TNXB: variants seen among roughly 807,000 people sequenced by gnomAD.
The protein encoded by TNXB is tenascin-X.
Under a neutral mutation model 340.5 loss-of-function variants are expected in TNXB, and 183 were observed. The ratio of observed to expected loss-of-function variants is 0.54; its 90% confidence interval spans 0.48 to 0.61. The LOEUF (loss-of-function observed/expected upper bound fraction) is 0.61. Among genes scored for constraint, TNXB ranks in the 20% least tolerant of loss-of-function variants. The probability of loss-of-function intolerance (pLI) is 0.00; values close to 1 mark genes in which losing one functional copy is unlikely to be tolerated. For missense variants in TNXB, 4,613 were observed against 5,446.4 expected (o/e 0.85, Z 4.82); for synonymous variants, 2,121 against 2,314.5 (o/e 0.92, Z 2.40).
chr6:32,047,918 G>T lies in TNXB; in HGVS notation c.10140C>A (p.Gly3380=). 6.2e-7 allele frequency: 1 copy of T among 1,612,666 alleles called. No individual in the cohort carries two copies. The highest frequency in any genetic ancestry group is 8.5e-7 in the Non-Finnish European group (1 of 1,179,696). The change falls in exon 30 of 44, where the codon GGC becomes GGA. Residue 3380 remains glycine, a synonymous_variant. Coordinates refer to ENST00000644971, the MANE Select transcript of TNXB (RefSeq NM_001365276.2). The surrounding 1 kb of genome is among the most constrained non-coding windows in gnomAD (Gnocchi z 6.2). ...ACTGGACCACGAAGGAGTCGAATTC[G>T]CCCTCAGGGACCGTCCACGAGAGGC... The part of the protein sequence containing the change: ...SVGLSWTVPE[G]EFDSFVVQYK...
Position 32,087,885 on chromosome 6 carries a change from C to G in TNXB, c.2779+900G>C, listed in dbSNP as rs756616916. On this transcript the variant is annotated intron_variant, in intron 6 of 43. Transcript: ENST00000644971. The surrounding 1 kb of genome is among the most constrained non-coding windows in gnomAD (Gnocchi z 9.0). ...CCTCCTCCCTTTCCTCTGCTGGCCT[C>G]GAGGGCCAAGGGGGCCGTGGGGGCC... 3.4e-5 allele frequency: 11 copies of G among 323,600 alleles called. 1 individual carries two copies. The highest frequency in any genetic ancestry group is 1.7e-4 in the South Asian group (7 of 40,454). 20.0% of individuals were successfully genotyped at this position (323,600 alleles called of 1,614,324 possible). A position where few individuals can be genotyped will look rare whatever the true frequency, so the allele number is the denominator to read the frequency against.
chr6:32,106,810 C>CTAA lies in TNXB; in HGVS notation c.-9+2368_-9+2370dup, dbSNP rs1026131349. ...ACCCTCAAATCCTGTCACTTTGTGT[C>CTAA]TAAGGCCATGCTAATCACTCCCACA... On this transcript the variant is annotated intron_variant, in intron 1 of 43. Coordinates refer to ENST00000644971, the MANE Select transcript of TNXB (RefSeq NM_001365276.2). 5.9e-5 allele frequency among the ~76,000 whole-genome samples: 9 copies of CTAA among 152,318 alleles called. No homozygotes were observed. The South Asian group carries it at 8.3e-4, about 14-fold the overall frequency.
rs774049599 is a variant in TNXB at position 32,055,872 on chromosome 6, C to T, written c.8446G>A (p.Val2816Met). Residue 2816 changes from valine to methionine, a missense_variant, in exon 24 of 44, where the codon GTG becomes ATG. By Grantham distance (21) the Val-to-Met change is conservative (BLOSUM62 1). This residue lies in a region of TNXB where 4,327 missense variants were observed against 4,859.4 expected (regional missense o/e 0.89). Coordinates refer to ENST00000644971, the MANE Select transcript of TNXB (RefSeq NM_001365276.2). ...TCACCTGTCACACCCACGGTGGACA[C>T]CGGGCCCACACGCCGCCCCTCGTGG... is the stretch of plus-strand genomic sequence containing the variant. ...GLHEGRRVGP[V>M]STVGVTAPED... 1.9e-6 allele frequency: 3 copies of T among 1,612,506 alleles called. No individual in the cohort carries two copies. The highest frequency in any genetic ancestry group is 3.3e-5 in the Admixed American group (2 of 59,992).
In TNXB at chr6:32,096,097, C is replaced by A. The variant is rs563266055; in HGVS notation, c.1756G>T (p.Gly586Cys). Residue 586 changes from glycine (G) to cysteine (C), a missense_variant, in exon 3 of 44, where the codon GGT becomes TGT. Physicochemically the swap from Gly to Cys is radical, Grantham distance 159. Around this residue, in one of 7 missense-constraint regions of TNXB, gnomAD observed 4,327 missense variants for 4,859.4 expected, o/e 0.89. Transcript: ENST00000644971. ...CEDGYSGEDC[G>C]VRQCPNDCSQ... ...CAGTCATTCGGGCACTGCCTCACAC[C>A]GCAATCCTCGCCAGAGTAGCCGTCC... 1 of 1,609,492 alleles carries A rather than the reference C, an allele frequency of 6.2e-7. No individual in the cohort carries two copies. The highest frequency in any genetic ancestry group is 8.5e-7 in the Non-Finnish European group (1 of 1,178,536).
chr6:32,094,313 A>G (rs541715997), intron 4 of TNXB, among the ~76,000 whole-genome samples: 3 of 151,854 alleles, frequency 2.0e-5, no homozygotes, highest in Non-Finnish European at 4.4e-5. Flanking sequence ...AAAAGTGTAT[A>G]TAGTTGAATG....
Position 32,046,124 on chromosome 6 carries a change from C to T in TNXB, c.10606+51G>A. The stretch of plus-strand genomic sequence containing the variant: ...CATCTTTGTCTTCAGCCCAAATGCA[C>T]AAGGAAACCCACACAAGCTGGCTTG... On this transcript the variant is annotated intron_variant, in intron 31 of 43. Transcript: ENST00000644971. The surrounding 1 kb of genome is among the most constrained non-coding windows in gnomAD (Gnocchi z 6.9). 1.3e-6 allele frequency: 2 copies of T among 1,549,650 alleles called. No homozygotes were observed. The highest frequency in any genetic ancestry group is 1.7e-6 in the Non-Finnish European group (2 of 1,144,030).
At chr6:32,105,041 T>C (rs1582496489) in intron 1 of TNXB, among the ~76,000 whole-genome samples, 1 of 152,098 alleles carries the variant, frequency 6.6e-6, no homozygotes, top group Non-Finnish European at 1.5e-5. Context: ...CAAATTCTCT[T>C]AGAACACTGA....
rs1276461269 is a variant in TNXB, at chr6:32,087,369, C to T, written c.2780-1251G>A. ...GCAGGCTGACGGTGCGCGTGGTGCC[C>T]GGCACAGTCAGCTCACCGCCGGGGC... is the stretch of plus-strand genomic sequence containing the variant. On this transcript the variant is annotated intron_variant, in intron 6 of 43. Coordinates refer to ENST00000644971, the MANE Select transcript of TNXB (RefSeq NM_001365276.2). This position sits in a 1 kb window ranked among gnomAD's most constrained non-coding sequence, Gnocchi z 9.0. The T allele has an allele frequency of 2.1e-6, 1 of 475,322 alleles. No homozygotes were observed. The highest frequency in any genetic ancestry group is 6.4e-5 in the East Asian group (1 of 15,624). The allele number at this position is 475,322 out of a possible 1,614,324, so 29.4% of individuals were successfully genotyped here.
At position 32,046,278 on chromosome 6, in the gene TNXB, T is replaced by C; in HGVS notation, c.10503A>G (p.Thr3501=). Residue 3501 remains threonine (T), a synonymous_variant, in exon 31 of 44, where the codon ACA becomes ACG. Coordinates refer to ENST00000644971, the MANE Select transcript of TNXB (RefSeq NM_001365276.2). The surrounding 1 kb of genome is among the most constrained non-coding windows in gnomAD (Gnocchi z 6.9). ...CAGGCTCCAGGTCCTCTACGGTGAC[T>C]GTGCGCTGGTCTGCGGCCACAGGCA... is the stretch of plus-strand genomic sequence containing the variant. ...RAVPVAADQR[T]VTVEDLEPGK... is the part of the protein sequence containing the mutation. The C allele has an allele frequency of 6.2e-7, 1 of 1,606,472 alleles. No individual in the cohort carries two copies. The highest frequency in any genetic ancestry group is 8.5e-7 in the Non-Finnish European group (1 of 1,178,122).
At position 32,097,083 on chromosome 6, in the gene TNXB, C is replaced by A; in HGVS notation, c.770G>T (p.Gly257Val). ...CACGCAGCGCCCACCCTCACAGCGT[C>A]CCCTCTGGCTGCAACCTCGAGGGCA... ...RSCPRGCSQR[G>V]RCEGGRCVCD... Residue 257 changes from glycine (G) to valine (V), a missense_variant, in exon 3 of 44, where the codon GGA (glycine) becomes GTA (valine). Gly to Val is a moderately radical substitution (Grantham distance 109). This residue lies in a region of TNXB where 4,327 missense variants were observed against 4,859.4 expected (regional missense o/e 0.89). Coordinates refer to ENST00000644971, the MANE Select transcript of TNXB (RefSeq NM_001365276.2). The surrounding 1 kb of genome is among the most constrained non-coding windows in gnomAD (Gnocchi z 5.9). The A allele has an allele frequency of 6.2e-7, 1 of 1,613,636 alleles. No individual in the cohort carries two copies. Among genetic ancestry groups the A allele is most frequent in the South Asian group, 1.1e-5 (1 of 91,048 alleles).
chr6:32,050,390 A>T, intron 26 of TNXB, 69 bp from the exon 27 acceptor site: 1 of 1,573,754 alleles, frequency 6.4e-7, no homozygotes. Flanking sequence ...GATGTGTCAC[A>T]AAACACAAAG....
Position 32,097,576 on chromosome 6 carries a change from GT to G in TNXB, c.404-128del. The G allele has an allele frequency of 8.0e-7, 1 of 1,250,876 alleles. No homozygotes were observed. Among genetic ancestry groups the G allele is most frequent in the South Asian group, 1.5e-5 (1 of 65,258 alleles). The allele number at this position is 1,250,876 out of a possible 1,614,324, so 77.5% of individuals were successfully genotyped here. ...TCTCATAAGGCCATGTCTGCTCCCAGTTGCTAGTATGTGTAATGTATGCAGC... is the reference window on the plus strand; with the variant it reads ...TCTCATAAGGCCATGTCTGCTCCCAGTGCTAGTATGTGTAATGTATGCAGC... On this transcript the variant is annotated intron_variant, in intron 2 of 43. Transcript: ENST00000644971. The surrounding 1 kb of genome is among the most constrained non-coding windows in gnomAD (Gnocchi z 5.9).
At chr6:32,042,234 C>G in intron 41 of TNXB, 32 bp downstream of exon 41, 1 of 945,866 alleles carries the variant, frequency 1.1e-6, no homozygotes, top group South Asian at 1.4e-5. Context: ...CCATCCCCAT[C>G]CGTAGTTCCC....
Position 32,052,758 on chromosome 6 carries a change from G to A in TNXB, c.9027C>T (p.Gly3009=). 6.2e-7 allele frequency: 1 copy of A among 1,613,774 alleles called. No homozygotes were observed. The highest frequency in any genetic ancestry group is 8.5e-7 in the Non-Finnish European group (1 of 1,179,858). ...TCTTGTATTTGCACCCGGGCTCCAG[G>A]CCCCCCACGGTGACCTCGCTCTCCT... ...RGEESEVTVG[G]LEPGCKYKMH... Residue 3009 remains glycine (G), a synonymous_variant, in exon 26 of 44, where the codon GGC becomes GGT. Coordinates refer to ENST00000644971, the MANE Select transcript of TNXB (RefSeq NM_001365276.2). This position sits in a 1 kb window ranked among gnomAD's most constrained non-coding sequence, Gnocchi z 4.7.
rs765598398 is a variant in TNXB, at chr6:32,049,534, C to T, written c.9493G>A (p.Glu3165Lys). The change falls in exon 28 of 44, where the codon GAG (glutamate) becomes AAG (lysine). Residue 3165 changes from glutamate to lysine, a missense_variant. Around this residue, in one of 7 missense-constraint regions of TNXB, gnomAD observed 4,327 missense variants for 4,859.4 expected, o/e 0.89. Coordinates refer to ENST00000644971, the MANE Select transcript of TNXB (RefSeq NM_001365276.2). This position sits in a 1 kb window ranked among gnomAD's most constrained non-coding sequence, Gnocchi z 4.5. Reference protein sequence around the residue: ...EPSTEAPEAPEEPLLGELTVT... With the variant: ...EPSTEAPEAPKEPLLGELTVT... ...GTCAACTCCCCCAGGAGCGGCTCCT[C>T]AGGGGCCTCCGGGGCCTCAGTGCTG... The T allele has an allele frequency of 1.2e-6, 2 of 1,612,432 alleles. No homozygotes were observed. Among genetic ancestry groups the T allele is most frequent in the African/African-American group, 2.7e-5 (2 of 74,894 alleles).
rs756758032 is a variant in TNXB at position 32,049,983 on chromosome 6, C to T, written c.9439+15G>A. On this transcript the variant is annotated intron_variant, in intron 27 of 43. Transcript: ENST00000644971. This position sits in a 1 kb window ranked among gnomAD's most constrained non-coding sequence, Gnocchi z 4.5. ...TCCCACAGCTCCCACCCTGGGGCTC[C>T]CATCATTCACTCACCCGTCACCCCA... 6.2e-7 allele frequency: 1 copy of T among 1,612,510 alleles called. No homozygotes were observed. Among genetic ancestry groups the T allele is most frequent in the Non-Finnish European group, 8.5e-7 (1 of 1,178,874 alleles).
chr6:32,092,638 C>T (rs566324486), intron 4 of TNXB, among the ~76,000 whole-genome samples: 12 of 150,234 alleles, frequency 8.0e-5, no homozygotes, highest in Non-Finnish European at 1.6e-4. Context: ...TGCAGTGAGC[C>T]GAGATTGCGC....
chr6:32,097,850 G>A lies in TNXB; in HGVS notation c.349C>T (p.Leu117Phe). ...CATCCCCCAGTGCACTGTTCCTTGA[G>A]CCCCTTCACCAACTCCTCCAGGATC... ...LEILEELVKG[L>F]KEQCTGGCCP... is the part of the protein sequence containing the mutation. The change falls in exon 2 of 44, where the codon CTC becomes TTC. Residue 117 changes from leucine (L) to phenylalanine (F), a missense_variant. Physicochemically the swap from Leu to Phe is conservative, Grantham distance 22 (BLOSUM62 0). Coordinates refer to ENST00000644971, the MANE Select transcript of TNXB (RefSeq NM_001365276.2). This position sits in a 1 kb window ranked among gnomAD's most constrained non-coding sequence, Gnocchi z 5.9. 1.3e-6 allele frequency: 2 copies of A among 1,535,362 alleles called. No individual in the cohort carries two copies. The highest frequency in any genetic ancestry group is 1.8e-6 in the Non-Finnish European group (2 of 1,135,996).
rs6457475 is a variant in TNXB at position 32,041,574 on chromosome 6, C to T, written c.12634-124G>A. On this transcript the variant is annotated intron_variant, in intron 43 of 43. Coordinates refer to ENST00000644971, the MANE Select transcript of TNXB (RefSeq NM_001365276.2). ...CCGCAGAGCTCCCTTCCTGACCCTC[C>T]GCTGCAGAGGATTGAGGCTTAATTC... 9.6e-3 allele frequency: 10,132 copies of T among 1,050,532 alleles called. 107 individuals are homozygous for T. Among genetic ancestry groups the T allele is most frequent in the Admixed American group, 0.027 (1,326 of 49,644 alleles). 65.1% of individuals were successfully genotyped at this position (1,050,532 alleles called of 1,614,324 possible). A position where few individuals can be genotyped will look rare whatever the true frequency, so the allele number is the denominator to read the frequency against.
Sources: gnomAD v4.1 joint callset for allele counts (sites outside exome capture counted in the v4.1 genomes callset) on GRCh38, gnomAD v4.1.1 for gene constraint, gnomAD v4.1.1 regional missense constraint, Gnocchi (gnomAD v3.1) non-coding constraint, MANE v1.5 for transcripts, NCBI Gene and HGNC (gene_info 2026-07-23, HGNC 2026-07-21) for gene names.